Variants in RNF170 observed in about 807,000 individuals in gnomAD.
RNF170 encodes E3 ubiquitin-protein ligase RNF170.
Under a neutral mutation model 32.7 loss-of-function variants are expected in RNF170, and 12 were observed. That is an observed-to-expected ratio of 0.37 (90% CI 0.24 to 0.60). The LOEUF (loss-of-function observed/expected upper bound fraction) is 0.60, where lower values mean the gene tolerates loss of function less well. Among genes scored for constraint, RNF170 ranks in the 20% least tolerant of loss-of-function variants. The pLI is 0.72. For synonymous variants in RNF170, 91 were observed against 103.6 expected (o/e 0.88, Z 0.74); for missense variants, 212 against 311.2 (o/e 0.68, Z 2.40).
chr8:42,896,669 C>T (rs1201546302), upstream of RNF170: 1 of 450,474 alleles, frequency 2.2e-6, no homozygotes, highest in Admixed American at 2.4e-5. Context: ...GGAGGAGGAC[C>T]CGTCGCCGCA....
At chr8:42,876,929 ACAG>A (rs1804986653) in intron 2 of RNF170, among the ~76,000 whole-genome samples, 1 of 150,074 alleles carries the variant, frequency 6.7e-6, no homozygotes, top group South Asian at 2.1e-4. Flanking sequence ...TGCTGGGATT[ACAG>A]GCGTGAGCCA....
intron 6 of RNF170, among the ~76,000 whole-genome samples, chr8:42,858,215 C>T (rs1189315275): frequency 6.6e-6 from 1 of 150,880 alleles, no homozygotes; most frequent in Non-Finnish European, 1.5e-5. Flanking sequence ...TTATGGAGGA[C>T]AACATGATTG....
intron 2 of RNF170, among the ~76,000 whole-genome samples, chr8:42,885,655 T>G (rs1047193113): frequency 6.6e-6 from 1 of 152,254 alleles, no homozygotes; most frequent in African/African-American, 2.4e-5. Context: ...AATTTGCATT[T>G]CCCTGGTGAT....
chr8:42,868,861 A>AG (rs1804316929), intron 4 of RNF170, among the ~76,000 whole-genome samples: 1 of 151,916 alleles, frequency 6.6e-6, no homozygotes, highest in African/African-American at 2.4e-5. Context: ...CAAAAAAAAA[A>AG]AAAAAAAAAT....
chr8:42,883,391 C>T lies in RNF170; in HGVS notation c.137+4337G>A, dbSNP rs540985920. ...AACAATGTGAATGTACTTAACGCCACGGAATTACACACTTAAAAATGGTCT... is the reference window on the plus strand; with the variant it reads ...AACAATGTGAATGTACTTAACGCCATGGAATTACACACTTAAAAATGGTCT... On this transcript the variant is annotated intron_variant, in intron 2 of 6. Coordinates refer to ENST00000527424, the MANE Select transcript of RNF170 (RefSeq NM_030954.4). Among the ~76,000 whole-genome samples, 6 of 152,068 alleles carry T rather than the reference C, an allele frequency of 3.9e-5. No individual in the cohort carries two copies. In the South Asian group the frequency reaches 6.2e-4, roughly 16 times the overall value.
At chr8:42,860,014 T>C (rs1409693514) in intron 6 of RNF170, among the ~76,000 whole-genome samples, 1 of 152,076 alleles carries the variant, frequency 6.6e-6, no homozygotes, top group Non-Finnish European at 1.5e-5. Flanking sequence ...AAAGGTAGGA[T>C]TACTTATAGA....
chr8:42,866,831 A>G (rs1804121269), intron 4 of RNF170, among the ~76,000 whole-genome samples: 1 of 152,210 alleles, frequency 6.6e-6, no homozygotes, highest in South Asian at 2.1e-4. Flanking sequence ...ACCAAACTTC[A>G]GGCCAATAAG....
At chr8:42,897,222 C>T (rs1330295020), upstream of RNF170, 5 of 1,219,312 alleles carry the variant, frequency 4.1e-6, no homozygotes, top group African/African-American at 4.7e-5. Flanking sequence ...GGGAAGACCC[C>T]CTCCCCCCGC....
At chr8:42,850,939 C>A (rs1802924190), downstream of RNF170, 1 of 1,551,700 alleles carries the variant, frequency 6.4e-7, no homozygotes, top group African/African-American at 1.4e-5. Flanking sequence ...TGTGTCCAGG[C>A]ATGCAACAGC....
At chr8:42,850,970 T>C (rs780789911), downstream of RNF170, 20 of 1,551,638 alleles carry the variant, frequency 1.3e-5, no homozygotes, top group East Asian at 4.6e-4. Flanking sequence ...GTCTGCTCAC[T>C]TGCACGGCTG....
At chr8:42,890,187 G>C (rs550013388) in intron 1 of RNF170, among the ~76,000 whole-genome samples, 32 of 150,108 alleles carry the variant, frequency 2.1e-4, no homozygotes, top group African/African-American at 7.3e-4. Flanking sequence ...ATGGTAATGC[G>C]AATAAATTAT....
At chr8:42,876,239 T>G (rs1484770003) in intron 2 of RNF170, among the ~76,000 whole-genome samples, 2 of 150,042 alleles carry the variant, frequency 1.3e-5, no homozygotes, top group Non-Finnish European at 3.0e-5. Context: ...AAAAATATAT[T>G]TAAATAGAAT....
chr8:42,869,662 A>C (rs1177421089), intron 4 of RNF170, among the ~76,000 whole-genome samples: 1 of 152,210 alleles, frequency 6.6e-6, no homozygotes, highest in African/African-American at 2.4e-5. Context: ...AGTCCCAAAA[A>C]GTGATGAACA....
chr8:42,897,149 G>T (rs1159819700), upstream of RNF170: 1 of 1,248,286 alleles, frequency 8.0e-7, no homozygotes, highest in Non-Finnish European at 1.0e-6. Flanking sequence ...GCGTAGAGTC[G>T]CTGGAGCGGG....
In RNF170 at chr8:42,870,063, G is replaced by T; in HGVS notation, c.263C>A (p.Pro88His). ...RQQFYTDMYCPICLHQASFPV... is the reference protein window; with the variant it reads ...RQQFYTDMYCHICLHQASFPV... ...GAAGGAGGCTTGGTGCAGGCAGATG[G>T]GACAGTACATGTCAGTGTAGAACTG... The change falls in exon 4 of 7, where the codon CCC becomes CAC. Residue 88 changes from proline to histidine, a missense_variant. By Grantham distance (77) the Pro-to-His change is moderately conservative. Transcript: ENST00000527424. The T allele has an allele frequency of 6.2e-7, 1 of 1,614,078 alleles. No individual in the cohort carries two copies. The highest frequency in any genetic ancestry group is 1.3e-5 in the African/African-American group (1 of 75,008).
chr8:42,861,855 C>T lies in RNF170; in HGVS notation c.397G>A (p.Val133Ile), dbSNP rs1379552478. ...AISCPICRQT[V>I]TLLLTVFGED... is the part of the protein sequence containing the mutation. ...CCAAATACTGTTAGGAGTAAGGTTACCTGTATATTACAGAAAAAAAAATTA... is the reference window on the plus strand; with the variant it reads ...CCAAATACTGTTAGGAGTAAGGTTATCTGTATATTACAGAAAAAAAAATTA... The change falls in exon 6 of 7, where the codon GTA becomes ATA. Residue 133 changes from valine (V) to isoleucine (I), a missense_variant and splice_region_variant. Physicochemically the swap from Val to Ile is conservative, Grantham distance 29. Around this residue, in one of 2 missense-constraint regions of RNF170, gnomAD observed 97 missense variants for 178.9 expected, o/e 0.54. Transcript: ENST00000527424. 1 of 1,611,062 alleles carries T rather than the reference C, an allele frequency of 6.2e-7. No individual in the cohort carries two copies.
chr8:42,885,843 T>C lies in RNF170; in HGVS notation c.137+1885A>G, dbSNP rs191620661. ...GTATGATCATAGCTCACTGCAGACT[T>C]GACTTCCTAGGCTTAAGTGATCTTG... On this transcript the variant is annotated intron_variant, in intron 2 of 6. Transcript: ENST00000527424. 6.6e-5 allele frequency among the ~76,000 whole-genome samples: 10 copies of C among 152,258 alleles called. No homozygotes were observed. The East Asian group carries it at 1.9e-3, about 29-fold the overall frequency.
intron 3 of RNF170, 115 bp downstream of exon 3, chr8:42,873,816 T>C (rs998424110): frequency 1.4e-6 from 1 of 705,620 alleles, no homozygotes; most frequent in Admixed American, 2.2e-5. Flanking sequence ...ATAAGGTAAT[T>C]TGAAGCTGGA....
rs1396194874 is a variant in RNF170, at chr8:42,854,506, A to G, written c.*1653T>C. 7.8e-7 allele frequency: 1 copy of G among 1,286,754 alleles called. No homozygotes were observed. Among genetic ancestry groups the G allele is most frequent in the East Asian group, 5.5e-5 (1 of 18,024 alleles). The allele number at this position is 1,286,754 out of a possible 1,614,324, so 79.7% of individuals were successfully genotyped here. A position where few individuals can be genotyped will look rare whatever the true frequency, so the allele number is the denominator to read the frequency against. ...TATGTGAGAAACCTGCTTTAATTAT[A>G]ATGTGCTATGTTTAAGCATTATTGT... On this transcript the variant is annotated 3_prime_UTR_variant, in exon 7 of 7. Coordinates refer to ENST00000527424, the MANE Select transcript of RNF170 (RefSeq NM_030954.4).
Sources: gnomAD v4.1 joint callset for allele counts (sites outside exome capture counted in the v4.1 genomes callset) on GRCh38, gnomAD v4.1.1 for gene constraint, gnomAD v4.1.1 regional missense constraint, MANE v1.5 for transcripts, NCBI Gene and HGNC (gene_info 2026-07-23, HGNC 2026-07-21) for gene names.